The following RANBP2 variants were observed in gnomAD, a reference collection of about 807,000 sequenced individuals.
RANBP2 encodes the protein RAN binding protein 2.
A neutral mutation model predicts 303.6 loss-of-function variants in RANBP2; 57 were observed. The ratio of observed to expected loss-of-function variants is 0.19; its 90% CI spans 0.15 to 0.23. The LOEUF (loss-of-function observed/expected upper bound fraction) is 0.23, where lower values mean the gene tolerates loss of function less well. Among genes scored for constraint, RANBP2 ranks in the 10% least tolerant of loss-of-function variants. The pLI is 1.00. For missense variants in RANBP2, 3,138 were observed against 3,780.8 expected (o/e 0.83, Z 4.46); for synonymous variants, 1,167 against 1,301.5 (o/e 0.90, Z 2.23).
chr2:108,778,722 AT>A (rs1361151456), intron 25 of RANBP2, among the ~76,000 whole-genome samples: 1 of 151,820 alleles, frequency 6.6e-6, no homozygotes, highest in Non-Finnish European at 1.5e-5. Flanking sequence ...TTGCTGAACA[AT>A]TTTGTTTTTG....
At chr2:109,052,942 G>A in the RANBP2 span, among the ~76,000 whole-genome samples, 1 of 152,210 alleles carries the variant, frequency 6.6e-6, no homozygotes, top group African/African-American at 2.4e-5. Context: ...TTGTCCTTAA[G>A]CCAACCATCA....
the RANBP2 span, among the ~76,000 whole-genome samples, chr2:108,822,776 G>T: frequency 6.6e-6 from 1 of 152,124 alleles, no homozygotes; most frequent in Admixed American, 6.5e-5. Context: ...AAAATTTATA[G>T]GATGCAGTGT....
At chr2:108,888,873 CT>C in the RANBP2 span, among the ~76,000 whole-genome samples, 1 of 151,600 alleles carries the variant, frequency 6.6e-6, no homozygotes, top group Non-Finnish European at 1.5e-5. Context: ...TTTTCTATTT[CT>C]TTGAGGTATA....
chr2:109,040,573 T>C, the RANBP2 span, among the ~76,000 whole-genome samples: 1 of 152,242 alleles, frequency 6.6e-6, no homozygotes, highest in Non-Finnish European at 1.5e-5. Flanking sequence ...TGTGTAATAT[T>C]AAAATTTCCA....
the RANBP2 span, among the ~76,000 whole-genome samples, chr2:109,327,549 G>A: frequency 6.6e-6 from 1 of 152,160 alleles, no homozygotes; most frequent in Non-Finnish European, 1.5e-5. Context: ...AAATGCATTT[G>A]AACTATACAT....
At chr2:109,642,471 C>T in the RANBP2 span, among the ~76,000 whole-genome samples, 20 of 151,920 alleles carry the variant, frequency 1.3e-4, no homozygotes, top group African/African-American at 3.9e-4. Flanking sequence ...CTAACAAGGC[C>T]GGGAGCGGTG....
the RANBP2 span, among the ~76,000 whole-genome samples, chr2:108,997,491 G>A: frequency 1.4e-5 from 2 of 138,652 alleles, no homozygotes; most frequent in African/African-American, 2.6e-5. Flanking sequence ...GTTTAGAAAT[G>A]TCCAGAGAAC....
At chr2:109,275,033 A>C in the RANBP2 span, among the ~76,000 whole-genome samples, 1 of 152,222 alleles carries the variant, frequency 6.6e-6, no homozygotes, top group Non-Finnish European at 1.5e-5. Flanking sequence ...ATATTTATAG[A>C]TTACCATAAT....
chr2:109,298,362 A>C, the RANBP2 span, among the ~76,000 whole-genome samples: 2 of 152,228 alleles, frequency 1.3e-5, no homozygotes, highest in South Asian at 4.1e-4. Flanking sequence ...AGCCTGGTTC[A>C]GTTTCTGCTG....
the RANBP2 span, chr2:109,545,288 A>T: frequency 7.0e-7 from 1 of 1,426,704 alleles, no homozygotes; most frequent in East Asian, 2.6e-5. Flanking sequence ...CTTAAGTGGG[A>T]GAAATAAAAC....
the RANBP2 span, among the ~76,000 whole-genome samples, chr2:109,680,146 C>A: frequency 1.3e-5 from 2 of 150,090 alleles, no homozygotes; most frequent in Non-Finnish European, 3.0e-5. Flanking sequence ...GAGATCGAGA[C>A]CATCCTGGCT....
chr2:109,460,518 T>C, the RANBP2 span, among the ~76,000 whole-genome samples: 2 of 152,242 alleles, frequency 1.3e-5, no homozygotes. Flanking sequence ...TGTTCATGGG[T>C]CCACTGGGCA....
chr2:109,622,053 G>A, the RANBP2 span, among the ~76,000 whole-genome samples: 1 of 152,204 alleles, frequency 6.6e-6, no homozygotes, highest in Non-Finnish European at 1.5e-5. Context: ...CAAGACTAAG[G>A]TTAAGACTAA....
the RANBP2 span, among the ~76,000 whole-genome samples, chr2:109,211,345 C>T: frequency 6.6e-6 from 1 of 152,324 alleles, no homozygotes; most frequent in Non-Finnish European, 1.5e-5. Flanking sequence ...CTGGAGGCAA[C>T]AGTAAACAGC....
chr2:109,732,623 C>T, the RANBP2 span: 1 of 454,246 alleles, frequency 2.2e-6, no homozygotes, highest in Non-Finnish European at 4.3e-6. Flanking sequence ...ACTATAGGCA[C>T]ATGCCACTGC....
chr2:109,110,032 G>C, the RANBP2 span, among the ~76,000 whole-genome samples: 3 of 152,244 alleles, frequency 2.0e-5, no homozygotes, highest in South Asian at 6.2e-4. Context: ...TCTCCTCTCA[G>C]ATCCTGGAGA....
the RANBP2 span, among the ~76,000 whole-genome samples, chr2:109,121,622 AC>A: frequency 6.6e-6 from 1 of 151,898 alleles, no homozygotes. Context: ...GACTGATGAG[AC>A]CCCCTGCTAC....
the RANBP2 span, among the ~76,000 whole-genome samples, chr2:108,807,515 A>G: frequency 1.3e-5 from 2 of 152,210 alleles, no homozygotes; most frequent in Middle Eastern, 3.2e-3. Flanking sequence ...AATATTCAAA[A>G]TCCTCTCTTT....
the RANBP2 span, among the ~76,000 whole-genome samples, chr2:109,068,199 G>C: frequency 1.3e-5 from 2 of 152,098 alleles, no homozygotes; most frequent in Non-Finnish European, 2.9e-5. Flanking sequence ...TCATCTTTTC[G>C]CGGAACTGTT....
Sources: gnomAD v4.1 joint callset for allele counts (sites outside exome capture counted in the v4.1 genomes callset) on GRCh38, gnomAD v4.1.1 for gene constraint, MANE v1.5 for transcripts, NCBI Gene and HGNC (gene_info 2026-07-23, HGNC 2026-07-21) for gene names.